The following DENND2B variants were observed in gnomAD, a reference collection of about 807,000 sequenced individuals.
DENND2B encodes the protein DENN domain containing 2B, also known as DENN domain-containing protein 2B.
DENND2B carries 32 observed loss-of-function variants against 116.0 expected under a neutral mutation model. The ratio of observed to expected loss-of-function variants is 0.28; its 90% confidence interval spans 0.21 to 0.37. The LOEUF (loss-of-function observed/expected upper bound fraction) is 0.37, where lower values mean the gene tolerates loss of function less well. Among genes scored for constraint, DENND2B ranks in the 10% least tolerant of loss-of-function variants. DENND2B has a pLI of 1.00. For synonymous variants in DENND2B, 588 were observed against 583.9 expected (o/e 1.01, Z -0.10); for missense variants, 1,276 against 1,477.7 (o/e 0.86, Z 2.24).
rs750428367 is a variant in DENND2B, at chr11:8,715,729, G to C, written c.1719C>G (p.His573Gln). 1.2e-6 allele frequency: 2 copies of C among 1,614,248 alleles called. No individual in the cohort carries two copies. Among genetic ancestry groups the C allele is most frequent in the Admixed American group, 1.7e-5 (1 of 60,032 alleles). ...SHRLPRLPKR[H>Q]SHDDMLLLAQ... is the part of the protein sequence containing the mutation. ...CCAGCAGCAGCATGTCGTCATGGCT[G>C]TGCCTCTTGGGTAATCGTGGCAGCC... The change falls in exon 6 of 20, where the codon CAC (histidine) becomes CAG (glutamine). Residue 573 changes from histidine to glutamine, a missense_variant. His to Gln is a conservative substitution (Grantham distance 24, BLOSUM62 0). Around this residue, in one of 2 missense-constraint regions of DENND2B, gnomAD observed 856 missense variants for 846.6 expected, o/e 1.01. Coordinates refer to ENST00000313726, the MANE Select transcript of DENND2B (RefSeq NM_213618.2).
intron 2 of DENND2B, among the ~76,000 whole-genome samples, chr11:8,743,501 G>A (rs1382830357): frequency 6.6e-6 from 1 of 151,620 alleles, no homozygotes; most frequent in Admixed American, 6.6e-5. Context: ...AGTGAGCCGA[G>A]ATCACACCAC....
chr11:8,707,005 A>C lies in DENND2B; in HGVS notation c.2571+80T>G, dbSNP rs2042719255. 2.4e-5 allele frequency: 37 copies of C among 1,535,280 alleles called. No individual in the cohort carries two copies. Among genetic ancestry groups the C allele is most frequent in the Non-Finnish European group, 3.2e-5 (36 of 1,137,672 alleles). ...GGAGGGACCGTGCTCTGCAACCCCCAAAGACTACGACCTTGGCCAGCATGG... is the reference window on the plus strand; with the variant it reads ...GGAGGGACCGTGCTCTGCAACCCCCCAAGACTACGACCTTGGCCAGCATGG... On this transcript the variant is annotated intron_variant, in intron 13 of 19. Transcript: ENST00000313726. This position sits in a 1 kb window ranked among gnomAD's most constrained non-coding sequence, Gnocchi z 4.8.
chr11:8,704,613 A>G (rs1565647241), intron 13 of DENND2B, among the ~76,000 whole-genome samples: 1 of 152,024 alleles, frequency 6.6e-6, no homozygotes, highest in Non-Finnish European at 1.5e-5. Context: ...TCCCTCTCCC[A>G]CTCTCTACAA....
At position 8,711,050 on chromosome 11, in the gene DENND2B, C is replaced by T. The variant is rs910824367; in HGVS notation, c.2282+72G>A. ...GAGAGGATGAGACTAGAGCAGGCCC[C>T]ACTCAGGTGCCCACGCTATGGGGGT... On this transcript the variant is annotated intron_variant, in intron 10 of 19. Coordinates refer to ENST00000313726, the MANE Select transcript of DENND2B (RefSeq NM_213618.2). 1.8e-5 allele frequency: 28 copies of T among 1,570,886 alleles called. No individual in the cohort carries two copies. The African/African-American group carries it at 2.8e-4, about 16-fold the overall frequency.
chr11:8,747,816 CA>C (rs1257427327), intron 2 of DENND2B, among the ~76,000 whole-genome samples: 1 of 152,160 alleles, frequency 6.6e-6, no homozygotes, highest in Admixed American at 6.5e-5. Context: ...ACATTCCTGC[CA>C]AATCAAGACT....
chr11:8,901,210 C>CTTTCTTTTCTTTTCTTTTCT (rs566458011), intron 1 of DENND2B, among the ~76,000 whole-genome samples: 2 of 93,116 alleles, frequency 2.1e-5, no homozygotes, highest in African/African-American at 8.1e-5. Context: ...TTTTCTTTTT[C>CTTTCTTTTCTTTTCTTTTCT]TTTCTTTTCT....
chr11:8,699,122 C>A, intron 15 of DENND2B, 91 bp downstream of exon 15: 1 of 1,511,208 alleles, frequency 6.6e-7, no homozygotes, highest in Non-Finnish European at 8.9e-7. Flanking sequence ...AGGATAAGAG[C>A]CTGGTAAAGA....
At position 8,699,356 on chromosome 11, in the gene DENND2B, A is replaced by C; in HGVS notation, c.2755T>G (p.Leu919Val). 1 of 1,606,340 alleles carries C rather than the reference A, an allele frequency of 6.2e-7. No individual in the cohort carries two copies. The highest frequency in any genetic ancestry group is 8.5e-7 in the Non-Finnish European group (1 of 1,178,186). The change falls in exon 15 of 20, where the codon TTG (leucine) becomes GTG (valine). Residue 919 changes from leucine to valine, a missense_variant. Physicochemically the swap from Leu to Val is conservative, Grantham distance 32 (BLOSUM62 1). Coordinates refer to ENST00000313726, the MANE Select transcript of DENND2B (RefSeq NM_213618.2). Reference sequence around the variant, plus strand: ...TGCTGCCAGGAGAAGGGGTAGAGCAAGGCCACCACCGCGTGGGAGCAGCTG... The same window carrying C: ...TGCTGCCAGGAGAAGGGGTAGAGCACGGCCACCACCGCGTGGGAGCAGCTG... The part of the protein sequence containing the change: ...LSSCSHAVVA[L>V]LYPFSWQHTF...
At chr11:8,744,516 C>G (rs1168650199) in intron 2 of DENND2B, among the ~76,000 whole-genome samples, 1 of 152,080 alleles carries the variant, frequency 6.6e-6, no homozygotes, top group Non-Finnish European at 1.5e-5. Context: ...AGACTTTGGG[C>G]CCTTAACATA....
At chr11:8,785,465 A>G (rs1212331076) in intron 1 of DENND2B, 1 of 152,282 alleles carries the variant, frequency 6.6e-6, no homozygotes, top group Non-Finnish European at 1.5e-5. Context: ...TCATGAAGGT[A>G]GTCGCCTCCC....
intron 4 of DENND2B, among the ~76,000 whole-genome samples, chr11:8,836,111 G>T (rs576885426): frequency 3.3e-5 from 5 of 151,416 alleles, no homozygotes; most frequent in Middle Eastern, 3.4e-3. Context: ...ACTTTGGGAG[G>T]CCGAGGTTGG....
chr11:8,771,343 T>G (rs753123182), intron 1 of DENND2B, among the ~76,000 whole-genome samples: 1 of 151,990 alleles, frequency 6.6e-6, no homozygotes, highest in South Asian at 2.1e-4. Flanking sequence ...CAGAATCATA[T>G]AGAGTATGGG....
chr11:8,695,037 G>C (rs1321953059), intron 19 of DENND2B, among the ~76,000 whole-genome samples: 1 of 152,132 alleles, frequency 6.6e-6, no homozygotes, highest in Admixed American at 6.5e-5. Context: ...ACTCCAGCCT[G>C]AGTGACAGAG....
chr11:8,872,518 A>G (rs1209472666), upstream of DENND2B, among the ~76,000 whole-genome samples: 1 of 151,660 alleles, frequency 6.6e-6, no homozygotes, highest in Non-Finnish European at 1.5e-5. Context: ...AAAAAGATAC[A>G]TCCTGGAAAT....
At chr11:8,896,496 G>T (rs771187236) in intron 1 of DENND2B, among the ~76,000 whole-genome samples, 19 of 152,130 alleles carry the variant, frequency 1.2e-4, no homozygotes, top group Non-Finnish European at 2.2e-4. Flanking sequence ...TTCCAGAATG[G>T]CATAGTGAGG....
chr11:8,840,348 A>G (rs2062583463), intron 3 of DENND2B, among the ~76,000 whole-genome samples: 1 of 152,174 alleles, frequency 6.6e-6, no homozygotes, highest in African/African-American at 2.4e-5. Context: ...AAAAAGGTGA[A>G]GCTAAGATTC....
At chr11:8,851,827 GTA>G (rs1478775147) in intron 3 of DENND2B, among the ~76,000 whole-genome samples, 2 of 151,896 alleles carry the variant, frequency 1.3e-5, no homozygotes, top group South Asian at 4.1e-4. Context: ...ATATATTTTG[GTA>G]TATATATAAA....
chr11:8,712,815 T>C lies in DENND2B; in HGVS notation c.1988-80A>G. 2 of 1,418,562 alleles carry C rather than the reference T, an allele frequency of 1.4e-6. No individual in the cohort carries two copies. The highest frequency in any genetic ancestry group is 9.5e-7 in the Non-Finnish European group (1 of 1,056,904). The allele number at this position is 1,418,562 out of a possible 1,614,324, so 87.9% of individuals were successfully genotyped here. A position where few individuals can be genotyped will look rare whatever the true frequency, so the allele number is the denominator to read the frequency against. ...CTCTACCCCTGGCTCAGGGCTCCAT[T>C]GCTGTGGAGCACTTTTAAGTACGTG... On this transcript the variant is annotated intron_variant, in intron 8 of 19. Transcript: ENST00000313726. The surrounding 1 kb of genome is among the most constrained non-coding windows in gnomAD (Gnocchi z 4.4).
chr11:8,879,167 T>C (rs2063875653), intron 2 of DENND2B, among the ~76,000 whole-genome samples: 1 of 152,226 alleles, frequency 6.6e-6, no homozygotes, highest in South Asian at 2.1e-4. Context: ...AACCCTTGTC[T>C]AGCCAACAGG....
Sources: gnomAD v4.1 joint callset for allele counts (sites outside exome capture counted in the v4.1 genomes callset) on GRCh38, gnomAD v4.1.1 for gene constraint, gnomAD v4.1.1 regional missense constraint, Gnocchi (gnomAD v3.1) non-coding constraint, MANE v1.5 for transcripts, NCBI Gene and HGNC (gene_info 2026-07-23, HGNC 2026-07-21) for gene names.